STAC: variants seen among roughly 807,000 people sequenced by gnomAD.
STAC encodes the protein SH3 and cysteine-rich domain-containing protein.
In STAC, 43 loss-of-function variants were observed where a neutral mutation model predicts 48.8. That is an observed-to-expected ratio of 0.88 (90% CI 0.69 to 1.14). The LOEUF (loss-of-function observed/expected upper bound fraction) is 1.14. Among genes scored for constraint, STAC ranks in the 50% most tolerant of loss-of-function variants. The probability of loss-of-function intolerance (pLI) is 0.00; values close to 1 mark genes in which losing one functional copy is unlikely to be tolerated. For synonymous variants in STAC, 193 were observed against 179.5 expected, an observed-to-expected ratio of 1.07 and a Z score of -0.60; for missense variants, 497 against 504.0, an observed-to-expected ratio of 0.99 and a Z score of 0.13.
intron 2 of STAC, among the ~76,000 whole-genome samples, chr3:36,460,071 C>A (rs1417650006): frequency 3.3e-5 from 5 of 152,028 alleles, no homozygotes; most frequent in Admixed American, 6.5e-5. Flanking sequence ...TCAGTTTCAA[C>A]CCTTCAGGAA....
In STAC at chr3:36,381,332, A is replaced by C. The variant is rs140217594; in HGVS notation, c.111+578A>C. Among the ~76,000 whole-genome samples, 606 of 152,364 alleles carry C rather than the reference A, an allele frequency of 4.0e-3. 5 individuals carry two copies. The highest frequency in any genetic ancestry group is 0.013 in the African/African-American group (559 of 41,580). Reference sequence around the variant, plus strand: ...CTAAGAACCTATACTTGCTTTTATGAAAGTTACACTAACACGTATACAAAA... The same window carrying C: ...CTAAGAACCTATACTTGCTTTTATGCAAGTTACACTAACACGTATACAAAA... On this transcript the variant is annotated intron_variant, in intron 1 of 10. Transcript: ENST00000273183.
chr3:36,505,341 G>T (rs780359745), intron 7 of STAC, among the ~76,000 whole-genome samples: 1 of 150,970 alleles, frequency 6.6e-6, no homozygotes, highest in African/African-American at 2.4e-5. Context: ...CCAACTTTTC[G>T]GCTAACTGAT....
At chr3:36,447,791 T>A (rs1359692004) in intron 2 of STAC, among the ~76,000 whole-genome samples, 4 of 152,198 alleles carry the variant, frequency 2.6e-5, no homozygotes, top group African/African-American at 9.7e-5. Context: ...AAATGTCAAC[T>A]CTGGGCATTC....
intron 1 of STAC, among the ~76,000 whole-genome samples, chr3:36,419,631 A>G (rs771139080): frequency 2.0e-5 from 3 of 152,158 alleles, no homozygotes; most frequent in Non-Finnish European, 2.9e-5. Context: ...AGAACATACA[A>G]TGGCCTGACA....
chr3:36,398,084 G>T (rs771612959), intron 1 of STAC, among the ~76,000 whole-genome samples: 1 of 152,126 alleles, frequency 6.6e-6, no homozygotes, highest in Non-Finnish European at 1.5e-5. Flanking sequence ...TCCATAGCCT[G>T]GTTGGACAGC....
At chr3:36,501,245 A>G (rs1307601224) in intron 6 of STAC, among the ~76,000 whole-genome samples, 2 of 152,184 alleles carry the variant, frequency 1.3e-5, no homozygotes, top group Non-Finnish European at 2.9e-5. Context: ...AATGAGTGTT[A>G]AAAAAATAAG....
intron 8 of STAC, among the ~76,000 whole-genome samples, chr3:36,522,038 T>C (rs747095247): frequency 5.9e-5 from 9 of 151,950 alleles, no homozygotes; most frequent in Non-Finnish European, 1.3e-4. Flanking sequence ...GAGTGACCCA[T>C]GATTGCACCA....
intron 6 of STAC, among the ~76,000 whole-genome samples, chr3:36,493,917 G>A (rs370002168): frequency 1.3e-5 from 2 of 151,590 alleles, no homozygotes; most frequent in African/African-American, 4.8e-5. Flanking sequence ...TTGGGAGGCC[G>A]AGGCGGGCGG....
chr3:36,451,597 TTC>T (rs1696682839), intron 2 of STAC, among the ~76,000 whole-genome samples: 1 of 152,216 alleles, frequency 6.6e-6, no homozygotes, highest in Admixed American at 6.5e-5. Flanking sequence ...AACTTCCCAA[TTC>T]TTTTTCTTCT....
At chr3:36,425,019 T>A (rs1035463442) in intron 1 of STAC, among the ~76,000 whole-genome samples, 23 of 152,136 alleles carry the variant, frequency 1.5e-4, no homozygotes, top group Admixed American at 1.4e-3. Context: ...TAATGGATGA[T>A]GAAATTAGAG....
chr3:36,455,809 TAAGGA>T (rs1696839094), intron 2 of STAC, among the ~76,000 whole-genome samples: 1 of 151,904 alleles, frequency 6.6e-6, no homozygotes, highest in Non-Finnish European at 1.5e-5. Context: ...ACCCACTTAT[TAAGGA>T]TAGAGGGAAG....
intron 1 of STAC, among the ~76,000 whole-genome samples, chr3:36,387,259 T>C (rs1038696417): frequency 4.6e-5 from 7 of 152,120 alleles, no homozygotes; most frequent in African/African-American, 1.7e-4. Flanking sequence ...TTTTCCTTCT[T>C]TTTTAGATTC....
At chr3:36,453,516 G>C (rs988325728) in intron 2 of STAC, among the ~76,000 whole-genome samples, 1 of 152,204 alleles carries the variant, frequency 6.6e-6, no homozygotes. Flanking sequence ...TCAATTTCTC[G>C]CGGGGCCTTA....
chr3:36,404,952 T>C (rs563999189), intron 1 of STAC, among the ~76,000 whole-genome samples: 2 of 152,326 alleles, frequency 1.3e-5, no homozygotes, highest in African/African-American at 4.8e-5. Context: ...CAAAAGTAAT[T>C]GTAGTTTTTG....
rs9827650 is a variant in STAC, at chr3:36,441,616, T to C, written c.112-1748T>C. Among the ~76,000 whole-genome samples the C allele has an allele frequency of 9.8e-3, 1,493 of 152,328 alleles. 24 individuals carry two copies. Among genetic ancestry groups the C allele is most frequent in the African/African-American group, 0.033 (1,390 of 41,562 alleles). ...TTTCCTTTAGATAAATTCCCAGCAG[T>C]GGGATTGCTGAATCACATGGTAGTT... On this transcript the variant is annotated intron_variant, in intron 1 of 10. Coordinates refer to ENST00000273183, the MANE Select transcript of STAC (RefSeq NM_003149.3).
At chr3:36,403,185 G>A (rs1700030212) in intron 1 of STAC, among the ~76,000 whole-genome samples, 1 of 151,978 alleles carries the variant, frequency 6.6e-6, no homozygotes, top group Admixed American at 6.6e-5. Context: ...TAATTTTTTT[G>A]TCAGTTACAA....
At chr3:36,425,322 A>C (rs552123976) in intron 1 of STAC, among the ~76,000 whole-genome samples, 1 of 152,348 alleles carries the variant, frequency 6.6e-6, no homozygotes, top group Non-Finnish European at 1.5e-5. Flanking sequence ...ACCTTGATAT[A>C]ATAATCAGAA....
At chr3:36,448,390 T>G (rs566805108) in intron 2 of STAC, among the ~76,000 whole-genome samples, 3 of 151,918 alleles carry the variant, frequency 2.0e-5, no homozygotes, top group African/African-American at 7.2e-5. Context: ...CCTGGCTAAT[T>G]TTTGTATTTT....
Position 36,435,469 on chromosome 3 carries a change from C to T in STAC, c.112-7895C>T, listed in dbSNP as rs563637912. Among the ~76,000 whole-genome samples the T allele has an allele frequency of 4.6e-5, 7 of 152,174 alleles. No homozygotes were observed. The South Asian group carries it at 1.2e-3, about 27-fold the overall frequency. On this transcript the variant is annotated intron_variant, in intron 1 of 10. Coordinates refer to ENST00000273183, the MANE Select transcript of STAC (RefSeq NM_003149.3). Reference sequence around the variant, plus strand: ...GCATGCCCCTTTCTCTCTTATGCATCGTCAGATTTAATACATGCTGGAGTA... The same window carrying T: ...GCATGCCCCTTTCTCTCTTATGCATTGTCAGATTTAATACATGCTGGAGTA...
Sources: gnomAD v4.1 joint callset for allele counts (sites outside exome capture counted in the v4.1 genomes callset) on GRCh38, gnomAD v4.1.1 for gene constraint, MANE v1.5 for transcripts, NCBI Gene and HGNC (gene_info 2026-07-23, HGNC 2026-07-21) for gene names.